Variants in RNF17 observed in about 807,000 individuals in gnomAD.
The protein encoded by RNF17 is ring finger protein 17, also known as spermatogenesis associated 23.
In RNF17, 31 loss-of-function variants were observed where a neutral mutation model predicts 200.5. That is an observed-to-expected ratio of 0.15 (90% CI 0.12 to 0.21). RNF17 has a LOEUF of 0.21. RNF17 is among the 10% of genes least tolerant of loss of function. The probability of loss-of-function intolerance (pLI) is 1.00; values close to 1 mark genes in which losing one functional copy is unlikely to be tolerated. For missense variants in RNF17, 1,628 were observed against 1,905.1 expected (o/e 0.85, Z 2.71); for synonymous variants, 606 against 637.8 (o/e 0.95, Z 0.75).
chr13:24,874,353 G>A, intron 33 of RNF17, 104 bp downstream of exon 33: 3 of 937,086 alleles, frequency 3.2e-6, no homozygotes, highest in Non-Finnish European at 4.5e-6. Flanking sequence ...GTTATTCTAA[G>A]GCTGTTTATA....
chr13:24,756,507 T>G, the RNF17 span, among the ~76,000 whole-genome samples: 1 of 149,030 alleles, frequency 6.7e-6, no homozygotes, highest in Non-Finnish European at 1.5e-5. Context: ...TGAATTCTGT[T>G]GGGTTTTTTT....
At chr13:24,804,637 G>A (rs1041697421) in intron 15 of RNF17, among the ~76,000 whole-genome samples, 6 of 152,142 alleles carry the variant, frequency 3.9e-5, no homozygotes, top group Non-Finnish European at 5.9e-5. Context: ...GATAATTAAT[G>A]TATAAATGTT....
At chr13:24,828,498 T>C (rs1307244783) in intron 16 of RNF17, among the ~76,000 whole-genome samples, 1 of 152,168 alleles carries the variant, frequency 6.6e-6, no homozygotes, top group East Asian at 1.9e-4. Context: ...CTTGTGTTCC[T>C]TCTTCTAATA....
At chr13:24,817,916 C>T (rs1887591384) in intron 15 of RNF17, among the ~76,000 whole-genome samples, 1 of 151,898 alleles carries the variant, frequency 6.6e-6, no homozygotes. Flanking sequence ...TATTTTTGCT[C>T]TAATCTTTAT....
At chr13:24,867,373 A>G (rs1441819852) in intron 30 of RNF17, among the ~76,000 whole-genome samples, 1 of 152,084 alleles carries the variant, frequency 6.6e-6, no homozygotes, top group Non-Finnish European at 1.5e-5. Flanking sequence ...AAAGTTTTTA[A>G]TTTTGATGAA....
At chr13:24,868,490 A>C (rs1893903062) in intron 30 of RNF17, 110 bp from the exon 31 acceptor site, 1 of 559,082 alleles carries the variant, frequency 1.8e-6, no homozygotes, top group Admixed American at 3.1e-5. Context: ...AAAAAAAAAA[A>C]AAACTTGCTT....
intron 2 of RNF17, among the ~76,000 whole-genome samples, chr13:24,773,544 T>G (rs1444515759): frequency 6.6e-6 from 1 of 152,152 alleles, no homozygotes; most frequent in Non-Finnish European, 1.5e-5. Context: ...CACTGGGGAC[T>G]GCTAGAGAGA....
rs534496673 is a variant in RNF17, at chr13:24,778,287, C to T, written c.318-8C>T. ...AAAAAATAAAATAATATACTTGATA[C>T]TTTTCAGGATAAAGAATTGTTCTCA... On this transcript the variant is annotated splice_region_variant and splice_polypyrimidine_tract_variant and intron_variant, in intron 3 of 35. Coordinates refer to ENST00000255324, the MANE Select transcript of RNF17 (RefSeq NM_031277.3). The T allele has an allele frequency of 2.6e-6, 4 of 1,553,646 alleles. No homozygotes were observed. The highest frequency in any genetic ancestry group is 3.5e-6 in the Non-Finnish European group (4 of 1,126,828).
At chr13:24,885,927 A>T in the RNF17 span, 1 of 498,694 alleles carries the variant, frequency 2.0e-6, no homozygotes, top group Non-Finnish European at 3.6e-6. Context: ...AGCCTGACAG[A>T]CCCAAATGTA....
At chr13:24,831,542 G>A (rs1400511666) in intron 17 of RNF17, among the ~76,000 whole-genome samples, 40 of 152,206 alleles carry the variant, frequency 2.6e-4, no homozygotes, top group Admixed American at 2.6e-3. Context: ...GCTTTCAGCA[G>A]TTATAGAATC....
chr13:24,755,061 A>G, the RNF17 span, among the ~76,000 whole-genome samples: 1 of 152,114 alleles, frequency 6.6e-6, no homozygotes, highest in Non-Finnish European at 1.5e-5. Flanking sequence ...TAGGTATATA[A>G]TATCTATATT....
chr13:24,776,203 T>A (rs141733366), intron 3 of RNF17, among the ~76,000 whole-genome samples: 3 of 152,214 alleles, frequency 2.0e-5, no homozygotes, highest in Non-Finnish European at 4.4e-5. Flanking sequence ...CCTATGTCCA[T>A]AACCTATCTT....
intron 13 of RNF17, among the ~76,000 whole-genome samples, chr13:24,801,971 T>A (rs1303820014): frequency 6.6e-6 from 1 of 152,064 alleles, no homozygotes; most frequent in Admixed American, 6.5e-5. Context: ...CCTGGCTGTT[T>A]CTATTTTTCT....
intron 1 of RNF17, among the ~76,000 whole-genome samples, chr13:24,766,147 A>G (rs1418538377): frequency 1.3e-5 from 2 of 152,240 alleles, no homozygotes; most frequent in Non-Finnish European, 1.5e-5. Flanking sequence ...GGAGAATAGC[A>G]TGAACTCAGG....
At position 24,874,309 on chromosome 13, in the gene RNF17, T is replaced by C. The variant is rs752855859; in HGVS notation, c.4583+60T>C. 3.5e-6 allele frequency: 5 copies of C among 1,415,610 alleles called. No homozygotes were observed. In the East Asian group the frequency reaches 9.9e-5, roughly 28 times the overall value. The allele number at this position is 1,415,610 out of a possible 1,614,324, so 87.7% of individuals were successfully genotyped here. Reference sequence around the variant, plus strand: ...TCTTTTTTTTTAAATAGTTTTCTTATTGAGAATATTTTTGCCTCTTTTAAA... The same window carrying C: ...TCTTTTTTTTTAAATAGTTTTCTTACTGAGAATATTTTTGCCTCTTTTAAA... On this transcript the variant is annotated intron_variant, in intron 33 of 35. Transcript: ENST00000255324.
At chr13:24,783,670 A>G (rs759571739) in intron 6 of RNF17, among the ~76,000 whole-genome samples, 8 of 143,138 alleles carry the variant, frequency 5.6e-5, no homozygotes, top group Non-Finnish European at 1.1e-4. Context: ...GGGATTATTC[A>G]TTGTTACTGT....
chr13:24,754,760 G>C, the RNF17 span, among the ~76,000 whole-genome samples: 1 of 152,086 alleles, frequency 6.6e-6, no homozygotes, highest in African/African-American at 2.4e-5. Flanking sequence ...GCCAGGTGTA[G>C]TGGCCTGTGC....
At chr13:24,857,040 G>C (rs748355586) in intron 25 of RNF17, among the ~76,000 whole-genome samples, 25 of 152,158 alleles carry the variant, frequency 1.6e-4, no homozygotes, top group Non-Finnish European at 2.9e-4. Flanking sequence ...TGGACAGGGA[G>C]AAAATACTGG....
chr13:24,874,425 T>C (rs1424148390), intron 33 of RNF17, among the ~76,000 whole-genome samples, 176 bp downstream of exon 33: 1 of 151,924 alleles, frequency 6.6e-6, no homozygotes, highest in African/African-American at 2.4e-5. Context: ...TTTTTTTTTT[T>C]TTTTAGATGA....
Sources: gnomAD v4.1 joint callset for allele counts (sites outside exome capture counted in the v4.1 genomes callset) on GRCh38, gnomAD v4.1.1 for gene constraint, MANE v1.5 for transcripts, NCBI Gene and HGNC (gene_info 2026-07-23, HGNC 2026-07-21) for gene names.